Variants in ZC3HAV1 observed in about 807,000 individuals in gnomAD.
ZC3HAV1 encodes zinc finger CCCH-type antiviral protein 1.
A neutral mutation model predicts 86.6 loss-of-function variants in ZC3HAV1; 41 were observed. The observed-to-expected ratio is 0.47, with a 90% confidence interval of 0.37 to 0.61. The LOEUF (loss-of-function observed/expected upper bound fraction) is 0.61, where lower values mean the gene tolerates loss of function less well. Ranked by LOEUF, ZC3HAV1 falls within the 20% of genes least tolerant of loss-of-function variation. The probability of loss-of-function intolerance (pLI) is 0.00; values close to 1 mark genes in which losing one functional copy is unlikely to be tolerated. For missense variants in ZC3HAV1, 964 were observed against 1,141.1 expected (o/e 0.84, Z 2.24); for synonymous variants, 421 against 432.1 (o/e 0.97, Z 0.32).
intron 1 of ZC3HAV1, among the ~76,000 whole-genome samples, chr7:139,107,836 G>A (rs776757207): frequency 1.3e-5 from 2 of 152,168 alleles, no homozygotes; most frequent in Non-Finnish European, 2.9e-5. Context: ...GTTTAAGAAT[G>A]GGCCAAGTGT....
chr7:139,051,338 G>A (rs929917422), intron 12 of ZC3HAV1, among the ~76,000 whole-genome samples: 1 of 151,794 alleles, frequency 6.6e-6, no homozygotes. Flanking sequence ...GATTACAGGC[G>A]AAGCTGCCGC....
intron 8 of ZC3HAV1, 149 bp from the exon 9 acceptor site, chr7:139,061,287 T>C: frequency 1.4e-6 from 1 of 722,484 alleles, no homozygotes; most frequent in Non-Finnish European, 2.2e-6. Context: ...GGGATGAGAA[T>C]TGCTCACAGT....
chr7:139,079,825 C>T lies in ZC3HAV1; in HGVS notation c.1116G>A (p.Arg372=), dbSNP rs375071260. ...LTSWTNDQGA[R]RKTVFSPTLP... Reference sequence around the variant, plus strand: ...GCGTGGGAGAAAACACAGTCTTTCTCCTGGCGCCTTGGTCATTCGTCCAGG... The same window carrying T: ...GCGTGGGAGAAAACACAGTCTTTCTTCTGGCGCCTTGGTCATTCGTCCAGG... The change falls in exon 4 of 13, where the codon AGG becomes AGA. Residue 372 remains arginine (R), a synonymous_variant. Transcript: ENST00000242351. 1 of 1,614,010 alleles carries T rather than the reference C, an allele frequency of 6.2e-7. No homozygotes were observed. The highest frequency in any genetic ancestry group is 1.3e-5 in the African/African-American group (1 of 74,898).
intron 2 of ZC3HAV1, among the ~76,000 whole-genome samples, chr7:139,087,907 C>T (rs755089557): frequency 6.6e-6 from 1 of 151,624 alleles, no homozygotes; most frequent in African/African-American, 2.4e-5. Context: ...TGGTGCATGC[C>T]TGTAGTCCCA....
rs1056687685 is a variant in ZC3HAV1 at position 139,103,273 on chromosome 7, A to AT, written c.308+5750dup. Among the ~76,000 whole-genome samples, 342 of 142,160 alleles carry AT rather than the reference A, an allele frequency of 2.4e-3. 5 individuals carry two copies. The highest frequency in any genetic ancestry group is 0.012 in the Admixed American group (175 of 14,236). 93.3% of individuals were successfully genotyped at this position (142,160 alleles called of 152,430 possible). On this transcript the variant is annotated intron_variant, in intron 1 of 12. Transcript: ENST00000242351. ...TTGTTTTTTATTTTTTTATTTTTTT[A>AT]TTTTTTTTTTATTTTTTGATGGGGT...
At chr7:139,048,686 CA>C (rs1816032978) in intron 12 of ZC3HAV1, among the ~76,000 whole-genome samples, 2 of 152,144 alleles carry the variant, frequency 1.3e-5, no homozygotes, top group South Asian at 4.1e-4. Flanking sequence ...TATTTCCATG[CA>C]AGAATCAATA....
intron 2 of ZC3HAV1, among the ~76,000 whole-genome samples, chr7:139,084,446 T>A (rs1443479209): frequency 5.9e-5 from 9 of 152,276 alleles, no homozygotes; most frequent in Non-Finnish European, 1.2e-4. Flanking sequence ...CTAGGCAGAA[T>A]GACATTTCTC....
chr7:139,101,447 G>T (rs1817760682), intron 1 of ZC3HAV1, among the ~76,000 whole-genome samples: 2 of 117,346 alleles, frequency 1.7e-5, no homozygotes, highest in Non-Finnish European at 3.5e-5. Context: ...GAGCGCCTCT[G>T]CCCTGCCGCC....
intron 3 of ZC3HAV1, among the ~76,000 whole-genome samples, chr7:139,081,152 G>A (rs534806172): frequency 4.6e-5 from 7 of 152,178 alleles, no homozygotes; most frequent in South Asian, 2.1e-4. Context: ...GTGCATGCAC[G>A]TGATGTTTAT....
chr7:139,080,083 C>T lies in ZC3HAV1; in HGVS notation c.858G>A (p.Glu286=). 6.2e-7 allele frequency: 1 copy of T among 1,614,202 alleles called. No individual in the cohort carries two copies. The highest frequency in any genetic ancestry group is 8.5e-7 in the Non-Finnish European group (1 of 1,180,038). ...GGGTGAGATCGTCCACAGGCGCGTCCTCCAGGGAAGCCCTGTGGCTGATCT... is the reference window on the plus strand; with the variant it reads ...GGGTGAGATCGTCCACAGGCGCGTCTTCCAGGGAAGCCCTGTGGCTGATCT... ...PDQISHRASL[E]DAPVDDLTRK... The change falls in exon 4 of 13, where the codon GAG becomes GAA. Residue 286 remains glutamate (E), a synonymous_variant. Coordinates refer to ENST00000242351, the MANE Select transcript of ZC3HAV1 (RefSeq NM_020119.4).
intron 2 of ZC3HAV1, among the ~76,000 whole-genome samples, chr7:139,084,514 T>C (rs1421306351): frequency 1.3e-5 from 2 of 152,244 alleles, no homozygotes; most frequent in Admixed American, 6.5e-5. Flanking sequence ...TACATGTACG[T>C]GACTAGCTCT....
intron 7 of ZC3HAV1, among the ~76,000 whole-genome samples, chr7:139,072,489 T>C (rs1310784280): frequency 6.6e-6 from 1 of 152,014 alleles, no homozygotes; most frequent in Non-Finnish European, 1.5e-5. Context: ...ACCCAGCCCA[T>C]GCATTATTTT....
chr7:139,043,713 CA>C lies in ZC3HAV1; in HGVS notation c.*3880del, dbSNP rs926740172. 4 of 152,190 alleles carry C rather than the reference CA, an allele frequency of 2.6e-5. No individual in the cohort carries two copies. The highest frequency in any genetic ancestry group is 9.7e-5 in the African/African-American group (4 of 41,420). 9.4% of individuals were successfully genotyped at this position (152,190 alleles called of 1,614,324 possible). A position where few individuals can be genotyped will look rare whatever the true frequency, so the allele number is the denominator to read the frequency against. On this transcript the variant is annotated 3_prime_UTR_variant, in exon 13 of 13. Transcript: ENST00000242351. ...AAACAAGACAGACTGACTCAACCCT[CA>C]GGGGGCTTACATTCTAATGCAGAAA...
At chr7:139,067,030 T>G (rs1043175455) in intron 7 of ZC3HAV1, among the ~76,000 whole-genome samples, 1 of 152,192 alleles carries the variant, frequency 6.6e-6, no homozygotes, top group African/African-American at 2.4e-5. Context: ...TCACTTTGAC[T>G]AGCAAGCCTC....
Position 139,047,328 on chromosome 7 carries a change from CAAA to C in ZC3HAV1, c.*263_*265del, listed in dbSNP as rs367919128. On this transcript the variant is annotated 3_prime_UTR_variant, in exon 13 of 13. Coordinates refer to ENST00000242351, the MANE Select transcript of ZC3HAV1 (RefSeq NM_020119.4). ...TGGACGATGGAGTGAGATTCAGTCTCAAAAAAAAAAAAAAAAAAAAAAATACAA... is the reference window on the plus strand; with the variant it reads ...TGGACGATGGAGTGAGATTCAGTCTCAAAAAAAAAAAAAAAAAAAATACAA... The C allele has an allele frequency of 4.3e-3, 1,124 of 260,916 alleles. No individual in the cohort carries two copies. The highest frequency in any genetic ancestry group is 6.3e-3 in the East Asian group (43 of 6,878). 16.2% of individuals were successfully genotyped at this position (260,916 alleles called of 1,614,324 possible).
intron 7 of ZC3HAV1, among the ~76,000 whole-genome samples, chr7:139,073,487 T>TTTTA (rs889795724): frequency 6.6e-6 from 1 of 152,002 alleles, no homozygotes; most frequent in Admixed American, 6.5e-5. Context: ...GTTCTTTTTA[T>TTTTA]TTTATTTATT....
chr7:139,066,522 C>G (rs565332628), intron 7 of ZC3HAV1, among the ~76,000 whole-genome samples: 2 of 152,286 alleles, frequency 1.3e-5, no homozygotes, highest in East Asian at 1.9e-4. Context: ...GACAAGGACG[C>G]TGACTTTAGC....
chr7:139,076,695 C>A (rs1392945455), intron 5 of ZC3HAV1, among the ~76,000 whole-genome samples: 1 of 152,062 alleles, frequency 6.6e-6, no homozygotes, highest in African/African-American at 2.4e-5. Flanking sequence ...AGTTCACAAC[C>A]AGCCTAGCCA....
At chr7:139,071,198 G>A (rs996671518) in intron 7 of ZC3HAV1, among the ~76,000 whole-genome samples, 4 of 150,176 alleles carry the variant, frequency 2.7e-5, no homozygotes, top group African/African-American at 9.8e-5. Context: ...CTTGGTTCAA[G>A]CAATTTTCCT....
Sources: allele counts gnomAD v4.1 joint callset (sites outside exome capture counted in the v4.1 genomes callset), GRCh38; gene constraint gnomAD v4.1.1; transcripts MANE v1.5; gene names NCBI Gene and HGNC (gene_info 2026-07-23, HGNC 2026-07-21).